Variants in DOK6 observed in about 807,000 individuals in gnomAD.
DOK6 encodes the protein downstream of tyrosine kinase 6.
Under a neutral mutation model 44.0 loss-of-function variants are expected in DOK6, and 22 were observed. The ratio of observed to expected loss-of-function variants is 0.50; its 90% CI spans 0.36 to 0.71. The LOEUF (loss-of-function observed/expected upper bound fraction) is 0.71, where lower values mean the gene tolerates loss of function less well. Among genes scored for constraint, DOK6 ranks in the 30% least tolerant of loss-of-function variants. DOK6 has a pLI of 0.00. For synonymous variants in DOK6, 166 were observed against 145.5 expected, an observed-to-expected ratio of 1.14 and a Z score of -1.01; for missense variants, 340 against 416.4, an observed-to-expected ratio of 0.82 and a Z score of 1.60.
intron 1 of DOK6, among the ~76,000 whole-genome samples, chr18:69,416,101 GGA>G (rs1463053463): frequency 6.7e-6 from 1 of 148,616 alleles, no homozygotes; most frequent in African/African-American, 2.5e-5. Flanking sequence ...AGAGAGGGAG[GGA>G]GAGAGGGATG....
At chr18:69,739,248 C>A in intron 6 of DOK6, 145 bp downstream of exon 6, 1 of 1,044,460 alleles carries the variant, frequency 9.6e-7, no homozygotes, top group Non-Finnish European at 1.4e-6. Context: ...ACCCTCTCAT[C>A]TCTCTAATAT....
rs117663470 is a variant in DOK6 at position 69,488,173 on chromosome 18, G to A, written c.67-76314G>A. 4.4e-3 allele frequency among the ~76,000 whole-genome samples: 677 copies of A among 152,164 alleles called. 18 individuals carry two copies. The highest frequency in any genetic ancestry group is 0.035 in the Admixed American group (536 of 15,280). On this transcript the variant is annotated intron_variant, in intron 1 of 7. Coordinates refer to ENST00000382713, the MANE Select transcript of DOK6 (RefSeq NM_152721.6). ...GTGCTCAAGGGGAGAGAAAGGGGGT[G>A]GGCTGTCTTGTGTCTCTTCTTAGAA...
intron 1 of DOK6, among the ~76,000 whole-genome samples, chr18:69,495,177 T>C (rs1314255089): frequency 6.6e-6 from 1 of 152,172 alleles, no homozygotes; most frequent in Non-Finnish European, 1.5e-5. Flanking sequence ...AGTGGAAGCC[T>C]GGGGACTCCA....
chr18:69,530,639 A>T (rs1981958985), intron 1 of DOK6, among the ~76,000 whole-genome samples: 1 of 152,174 alleles, frequency 6.6e-6, no homozygotes, highest in Non-Finnish European at 1.5e-5. Context: ...CTTGAAAAGG[A>T]CTTTCAGAAG....
At chr18:69,624,506 G>GT (rs1185223252) in intron 3 of DOK6, among the ~76,000 whole-genome samples, 1 of 152,050 alleles carries the variant, frequency 6.6e-6, no homozygotes, top group Non-Finnish European at 1.5e-5. Context: ...GCTAAAAATT[G>GT]TTTAGTGGCA....
At chr18:69,806,978 T>C (rs1195346030) in intron 7 of DOK6, among the ~76,000 whole-genome samples, 3 of 151,980 alleles carry the variant, frequency 2.0e-5, no homozygotes, top group Admixed American at 6.6e-5. Context: ...TTGCTTATTA[T>C]CTAAAATGTC....
intron 2 of DOK6, among the ~76,000 whole-genome samples, chr18:69,595,554 G>A (rs1197390619): frequency 6.6e-6 from 1 of 152,062 alleles, no homozygotes; most frequent in East Asian, 1.9e-4. Context: ...AACTTTTTGT[G>A]AAGCATCAAT....
chr18:69,784,329 T>A (rs72951535), intron 7 of DOK6, among the ~76,000 whole-genome samples: 3,777 of 152,184 alleles, frequency 0.025, 60 homozygotes, highest in Middle Eastern at 0.051. Flanking sequence ...ATCCCATAAT[T>A]CTTAGGCAGG....
At chr18:69,401,928 T>C (rs1916109909) in intron 1 of DOK6, among the ~76,000 whole-genome samples, 1 of 152,180 alleles carries the variant, frequency 6.6e-6, no homozygotes, top group African/African-American at 2.4e-5. Flanking sequence ...CACTGCTCCG[T>C]GACGGCAAAG....
In DOK6 at chr18:69,444,644, CTTTT is replaced by C. The variant is rs200365790; in HGVS notation, c.66+43348_66+43351del. ...AAAGTTAACATAATATAAAATCAAC[CTTTT>C]TTTTTTTTTTTTTGAGACAGAATCT... On this transcript the variant is annotated intron_variant, in intron 1 of 7. Coordinates refer to ENST00000382713, the MANE Select transcript of DOK6 (RefSeq NM_152721.6). Among the ~76,000 whole-genome samples, 886 of 132,734 alleles carry C rather than the reference CTTTT, an allele frequency of 6.7e-3. 8 individuals are homozygous for C. The highest frequency in any genetic ancestry group is 0.023 in the African/African-American group (797 of 35,422). 87.1% of individuals were successfully genotyped at this position (132,734 alleles called of 152,430 possible).
At chr18:69,424,428 G>T (rs1392839) in intron 1 of DOK6, among the ~76,000 whole-genome samples, 1 of 151,900 alleles carries the variant, frequency 6.6e-6, no homozygotes, top group Admixed American at 6.6e-5. Context: ...ATTTCTTCAC[G>T]GCTATTGATT....
At chr18:69,637,294 G>C (rs950626012) in intron 3 of DOK6, among the ~76,000 whole-genome samples, 2 of 152,208 alleles carry the variant, frequency 1.3e-5, no homozygotes, top group South Asian at 2.1e-4. Flanking sequence ...GGTCACGTGA[G>C]TTTAGGAAAT....
At chr18:69,799,815 C>T (rs767383471) in intron 7 of DOK6, among the ~76,000 whole-genome samples, 2 of 152,092 alleles carry the variant, frequency 1.3e-5, no homozygotes, top group Admixed American at 6.6e-5. Flanking sequence ...TTTTATTACG[C>T]TTATCTCACA....
intron 5 of DOK6, among the ~76,000 whole-genome samples, chr18:69,714,011 G>C (rs761779974): frequency 7.9e-5 from 12 of 152,096 alleles, no homozygotes; most frequent in Non-Finnish European, 1.0e-4. Context: ...TTTCTGTCTC[G>C]AGTACCACTA....
intron 5 of DOK6, among the ~76,000 whole-genome samples, chr18:69,704,502 G>A (rs1449397612): frequency 7.1e-5 from 9 of 126,904 alleles, no homozygotes; most frequent in South Asian, 2.6e-4. Flanking sequence ...TTTTGGAGAC[G>A]GAGCCTTGCT....
intron 7 of DOK6, among the ~76,000 whole-genome samples, chr18:69,833,358 T>A (rs1461905260): frequency 2.6e-5 from 4 of 152,120 alleles, no homozygotes; most frequent in Non-Finnish European, 5.9e-5. Context: ...TGGTTATTTA[T>A]ACACAGAATT....
intron 1 of DOK6, among the ~76,000 whole-genome samples, chr18:69,437,248 T>C (rs1461273877): frequency 6.6e-6 from 1 of 152,236 alleles, no homozygotes; most frequent in Non-Finnish European, 1.5e-5. Context: ...ATGTCCTGAA[T>C]GGTATTGCCT....
At chr18:69,467,673 G>C (rs1979967401) in intron 1 of DOK6, among the ~76,000 whole-genome samples, 1 of 152,076 alleles carries the variant, frequency 6.6e-6, no homozygotes, top group Non-Finnish European at 1.5e-5. Flanking sequence ...TATCTCTTAT[G>C]TAATGAAAAA....
At chr18:69,657,873 T>A (rs1310649444) in intron 3 of DOK6, among the ~76,000 whole-genome samples, 1 of 151,880 alleles carries the variant, frequency 6.6e-6, no homozygotes, top group African/African-American at 2.4e-5. Flanking sequence ...TGTAGGTGAG[T>A]GGGTGGGTTT....
Sources: gnomAD v4.1 joint callset for allele counts (sites outside exome capture counted in the v4.1 genomes callset) on GRCh38, gnomAD v4.1.1 for gene constraint, MANE v1.5 for transcripts, NCBI Gene and HGNC (gene_info 2026-07-23, HGNC 2026-07-21) for gene names.